The following KIAA1217 variants were observed in gnomAD, a reference collection of about 807,000 sequenced individuals.
The protein encoded by KIAA1217 is sickle tail protein homolog.
KIAA1217 carries 88 observed loss-of-function variants against 163.9 expected under a neutral mutation model. The ratio of observed to expected loss-of-function variants is 0.54; its 90% CI spans 0.45 to 0.64. The LOEUF (loss-of-function observed/expected upper bound fraction) is 0.64. Among genes scored for constraint, KIAA1217 ranks in the 30% least tolerant of loss-of-function variants. The pLI, the probability that KIAA1217 is intolerant of heterozygous loss-of-function variation, is 0.00. For missense variants in KIAA1217, 2,372 were observed against 2,475.0 expected (o/e 0.96, Z 0.88); for synonymous variants, 903 against 923.1 (o/e 0.98, Z 0.39).
intron 1 of KIAA1217, among the ~76,000 whole-genome samples, chr10:23,963,238 T>C (rs940416635): frequency 6.6e-6 from 1 of 152,088 alleles, no homozygotes; most frequent in Non-Finnish European, 1.5e-5. Flanking sequence ...CTACATTAGG[T>C]ATTTCTTCTA....
intron 1 of KIAA1217, among the ~76,000 whole-genome samples, chr10:24,212,502 G>C (rs1162009067): frequency 2.6e-5 from 4 of 152,168 alleles, no homozygotes; most frequent in Non-Finnish European, 5.9e-5. Context: ...CCCCGAGGCA[G>C]TCCAGCATCT....
At chr10:24,408,435 C>G (rs557632188) in intron 3 of KIAA1217, among the ~76,000 whole-genome samples, 2 of 152,128 alleles carry the variant, frequency 1.3e-5, no homozygotes, top group African/African-American at 4.8e-5. Flanking sequence ...CCTCTTATCA[C>G]GAGCAGTCTC....
intron 3 of KIAA1217, among the ~76,000 whole-genome samples, chr10:24,387,026 G>A (rs939029112): frequency 6.6e-6 from 1 of 152,234 alleles, no homozygotes; most frequent in Non-Finnish European, 1.5e-5. Flanking sequence ...GAGTTTCATA[G>A]CAGGTCAATA....
chr10:24,049,677 T>C (rs1049314550), intron 2 of KIAA1217, among the ~76,000 whole-genome samples: 1 of 152,206 alleles, frequency 6.6e-6, no homozygotes, highest in African/African-American at 2.4e-5. Context: ...ATGGTATATA[T>C]GTGCCACATT....
At chr10:24,282,544 GT>G (rs1329579310) in intron 2 of KIAA1217, among the ~76,000 whole-genome samples, 1 of 152,128 alleles carries the variant, frequency 6.6e-6, no homozygotes, top group African/African-American at 2.4e-5. Context: ...TTCACTTTGG[GT>G]TTGAATCCAG....
rs183516875 is a variant in KIAA1217 at position 24,403,824 on chromosome 10, A to G, written c.553+22757A>G. Among the ~76,000 whole-genome samples, 53 of 152,366 alleles carry G rather than the reference A, an allele frequency of 3.5e-4. No individual in the cohort carries two copies. In the East Asian group the frequency reaches 7.3e-3, roughly 21 times the overall value. On this transcript the variant is annotated intron_variant, in intron 3 of 20. Coordinates refer to ENST00000376454, the MANE Select transcript of KIAA1217 (RefSeq NM_019590.5). ...GAGGTAGCACTACCCATGCATCAGT[A>G]TAGTTCAAATAAAAAAAATAGAGAT... is the stretch of plus-strand genomic sequence containing the variant.
At chr10:23,755,429 T>A (rs978191345) in intron 1 of KIAA1217, among the ~76,000 whole-genome samples, 1 of 152,352 alleles carries the variant, frequency 6.6e-6, no homozygotes, top group East Asian at 1.9e-4. Context: ...ACCTCTGTCA[T>A]CTTCAGTGAT....
intron 5 of KIAA1217, among the ~76,000 whole-genome samples, chr10:24,464,654 T>C (rs1231275867): frequency 1.3e-5 from 2 of 151,986 alleles, no homozygotes; most frequent in African/African-American, 4.8e-5. Context: ...CCCAGCTAAG[T>C]TTTTACTTTT....
At chr10:23,945,129 C>G (rs1329008131) in intron 1 of KIAA1217, among the ~76,000 whole-genome samples, 1 of 150,010 alleles carries the variant, frequency 6.7e-6, no homozygotes, top group Non-Finnish European at 1.5e-5. Flanking sequence ...TATTTGACAA[C>G]AACACACACA....
chr10:24,347,385 A>AT (rs1306490554), intron 2 of KIAA1217, among the ~76,000 whole-genome samples: 5 of 152,012 alleles, frequency 3.3e-5, no homozygotes, highest in African/African-American at 9.7e-5. Context: ...AGCCATTGAG[A>AT]TTTTTTTTAC....
chr10:24,257,835 C>T (rs898138835), intron 2 of KIAA1217, among the ~76,000 whole-genome samples: 9 of 152,214 alleles, frequency 5.9e-5, no homozygotes, highest in East Asian at 1.9e-4. Context: ...GCAGTCCCAG[C>T]GACTTGGGCA....
At chr10:24,304,691 G>A (rs2041806472) in intron 2 of KIAA1217, among the ~76,000 whole-genome samples, 1 of 152,032 alleles carries the variant, frequency 6.6e-6, no homozygotes, top group Non-Finnish European at 1.5e-5. Context: ...GGAGGTTTGG[G>A]GAAGGCTTCT....
At chr10:23,797,405 C>T (rs1381090257) in intron 1 of KIAA1217, among the ~76,000 whole-genome samples, 2 of 152,214 alleles carry the variant, frequency 1.3e-5, no homozygotes, top group African/African-American at 4.8e-5. Context: ...CAAGGCCACA[C>T]AGTCATTATG....
rs140137631 is a variant in KIAA1217, at chr10:24,017,728, G to A, written c.-171+10354G>A. 2.6e-5 allele frequency among the ~76,000 whole-genome samples: 4 copies of A among 152,226 alleles called. No individual in the cohort carries two copies. The East Asian group carries it at 7.7e-4, about 29-fold the overall frequency. On this transcript the variant is annotated intron_variant, in intron 2 of 18. Transcript: ENST00000376462. ...AGGCCAGAAATTATATGAAAATGCAGTTCCACAGAAGCACAGCCACTTACC... is the reference window on the plus strand; with the variant it reads ...AGGCCAGAAATTATATGAAAATGCAATTCCACAGAAGCACAGCCACTTACC...
At chr10:24,013,752 A>G (rs1443210557) in intron 2 of KIAA1217, among the ~76,000 whole-genome samples, 2 of 152,146 alleles carry the variant, frequency 1.3e-5, no homozygotes, top group Non-Finnish European at 2.9e-5. Flanking sequence ...GAGTCAAAGA[A>G]TGGGACGCTG....
intron 2 of KIAA1217, among the ~76,000 whole-genome samples, chr10:24,038,310 A>T (rs925945071): frequency 2.0e-5 from 3 of 152,206 alleles, no homozygotes; most frequent in Admixed American, 2.0e-4. Flanking sequence ...GCTTTAAAAT[A>T]TTGACTTTGT....
At chr10:23,794,022 A>G (rs988566412) in intron 1 of KIAA1217, among the ~76,000 whole-genome samples, 4 of 152,186 alleles carry the variant, frequency 2.6e-5, no homozygotes, top group Admixed American at 2.6e-4. Context: ...GCCCTTCCAA[A>G]TAGTCTTCAT....
At chr10:24,176,650 G>T (rs1157701105) in intron 2 of KIAA1217, among the ~76,000 whole-genome samples, 1 of 152,250 alleles carries the variant, frequency 6.6e-6, no homozygotes, top group Non-Finnish European at 1.5e-5. Flanking sequence ...TGACTCAGGA[G>T]CCCAGCTGGC....
In KIAA1217 at chr10:24,333,802, G is replaced by A. The variant is rs556501844; in HGVS notation, c.355-47067G>A. 3.4e-4 allele frequency among the ~76,000 whole-genome samples: 52 copies of A among 152,268 alleles called. 1 individual carries two copies. The South Asian group carries it at 0.01, about 30-fold the overall frequency. On this transcript the variant is annotated intron_variant, in intron 2 of 20. Coordinates refer to ENST00000376454, the MANE Select transcript of KIAA1217 (RefSeq NM_019590.5). ...AGCCATAAAGATGGTTAAAAGGTTG[G>A]GGAAAATAAGGCTTCCAGGCCAAAC...
Sources: gnomAD v4.1 joint callset for allele counts (sites outside exome capture counted in the v4.1 genomes callset) on GRCh38, gnomAD v4.1.1 for gene constraint, MANE v1.5 for transcripts, NCBI Gene and HGNC (gene_info 2026-07-23, HGNC 2026-07-21) for gene names.